PNPLA6: variants seen among roughly 807,000 people sequenced by gnomAD.
PNPLA6 encodes the protein patatin-like phospholipase domain-containing protein 6.
In PNPLA6, 105 loss-of-function variants were observed where a neutral mutation model predicts 153.7. The observed-to-expected ratio is 0.68, with a 90% CI of 0.58 to 0.80. PNPLA6 has a LOEUF of 0.80. Among genes scored for constraint, PNPLA6 ranks in the 30% least tolerant of loss-of-function variants. The pLI is 0.00. For synonymous variants in PNPLA6, 825 were observed against 822.2 expected (o/e 1.00, Z -0.06); for missense variants, 1,423 against 1,919.3 (o/e 0.74, Z 4.83).
chr19:7,537,622 G>A (rs1432153003), intron 3 of PNPLA6, among the ~76,000 whole-genome samples: 1 of 151,970 alleles, frequency 6.6e-6, no homozygotes, highest in Admixed American at 6.6e-5. Context: ...TCCTGCAATG[G>A]CAGTCCTTTC....
chr19:7,549,890 A>C lies in PNPLA6; in HGVS notation c.1609-17A>C. ...GCTGTCCGGGTTCTGTGTTCATCAC[A>C]TCCCCTGCCCGCACAGGACGTGAGC... On this transcript the variant is annotated splice_polypyrimidine_tract_variant and intron_variant, in intron 13 of 31. Transcript: ENST00000600737. 6.2e-7 allele frequency: 1 copy of C among 1,612,228 alleles called. No individual in the cohort carries two copies. Among genetic ancestry groups the C allele is most frequent in the Non-Finnish European group, 8.5e-7 (1 of 1,179,230 alleles).
chr19:7,536,305 C>A (rs1395610390), intron 2 of PNPLA6, 32 bp downstream of exon 2: 1 of 1,544,672 alleles, frequency 6.5e-7, no homozygotes, highest in Admixed American at 1.7e-5. Context: ...TCCGCCCTGA[C>A]CACACAGAGG....
rs377449787 is a variant in PNPLA6 at position 7,556,454 on chromosome 19, G to T, written c.3095G>T (p.Ser1032Ile). ...CCCTGTCTGGCCCCTTGTCCCTAGA[G>T]CATGACTTCGGTGCTGGAACCTGTG... is the stretch of plus-strand genomic sequence containing the variant. ...TKQRAREWAK[S>I]MTSVLEPVLD... Residue 1032 changes from serine (S) to isoleucine (I), a missense_variant and splice_region_variant, in exon 25 of 32, where the codon AGC becomes ATC. Physicochemically the swap from Ser to Ile is moderately radical, Grantham distance 142 (BLOSUM62 -2). Coordinates refer to ENST00000600737, the MANE Select transcript of PNPLA6 (RefSeq NM_001166114.2). 5 of 1,602,032 alleles carry T rather than the reference G, an allele frequency of 3.1e-6. No homozygotes were observed. The highest frequency in any genetic ancestry group is 4.3e-6 in the Non-Finnish European group (5 of 1,169,198).
chr19:7,549,904 C>G lies in PNPLA6; in HGVS notation c.1609-3C>G, dbSNP rs1335928161. On this transcript the variant is annotated splice_polypyrimidine_tract_variant and splice_region_variant and intron_variant, in intron 13 of 31. Coordinates refer to ENST00000600737, the MANE Select transcript of PNPLA6 (RefSeq NM_001166114.2). ...GTGTTCATCACATCCCCTGCCCGCACAGGACGTGAGCCTGCACTTCGTGCT... is the reference window on the plus strand; with the variant it reads ...GTGTTCATCACATCCCCTGCCCGCAGAGGACGTGAGCCTGCACTTCGTGCT... 1 of 1,613,360 alleles carries G rather than the reference C, an allele frequency of 6.2e-7. No homozygotes were observed. Among genetic ancestry groups the G allele is most frequent in the South Asian group, 1.1e-5 (1 of 91,086 alleles).
chr19:7,553,546 G>A (rs1421887323), intron 18 of PNPLA6, among the ~76,000 whole-genome samples: 1 of 152,242 alleles, frequency 6.6e-6, no homozygotes, highest in Non-Finnish European at 1.5e-5. Context: ...TGAGGCAGGG[G>A]CACTGGCCAA....
At chr19:7,553,792 G>A (rs1045639218) in intron 18 of PNPLA6, 83 bp from the exon 19 acceptor site, 4 of 1,551,002 alleles carry the variant, frequency 2.6e-6, no homozygotes, top group East Asian at 4.5e-5. Context: ...AGATAAGGAG[G>A]AAGAGGAAGA....
rs1418029834 is a variant in PNPLA6, at chr19:7,541,206, C to G, written c.925-148C>G. 4.6e-6 allele frequency: 5 copies of G among 1,089,338 alleles called. No individual in the cohort carries two copies. Among genetic ancestry groups the G allele is most frequent in the Non-Finnish European group, 6.8e-6 (5 of 733,838 alleles). The allele number at this position is 1,089,338 out of a possible 1,614,324, so 67.5% of individuals were successfully genotyped here. ...CAGATGTCTGCAGCCGCGGACTCCTCCCTTAGCTGCCTCGCCCCATTTCCC... is the reference window on the plus strand; with the variant it reads ...CAGATGTCTGCAGCCGCGGACTCCTGCCTTAGCTGCCTCGCCCCATTTCCC... On this transcript the variant is annotated intron_variant, in intron 7 of 31. Transcript: ENST00000600737. The surrounding 1 kb of genome is among the most constrained non-coding windows in gnomAD (Gnocchi z 5.2).
In PNPLA6 at chr19:7,555,531, A is replaced by G. The variant is rs2023840037; in HGVS notation, c.2937-76A>G. 6.6e-7 allele frequency: 1 copy of G among 1,509,794 alleles called. No homozygotes were observed. The allele number at this position is 1,509,794 out of a possible 1,614,324, so 93.5% of individuals were successfully genotyped here. ...GTCCTTTGTTCCTTAGCAGTGCGGG[A>G]GGTGGGAGGAGGTAGGGGCAGGGGA... On this transcript the variant is annotated intron_variant, in intron 23 of 31. Transcript: ENST00000600737. The surrounding 1 kb of genome is among the most constrained non-coding windows in gnomAD (Gnocchi z 6.3).
chr19:7,545,353 G>A (rs2023343945), intron 13 of PNPLA6, among the ~76,000 whole-genome samples: 1 of 152,096 alleles, frequency 6.6e-6, no homozygotes, highest in African/African-American at 2.4e-5. Flanking sequence ...GTCTTAGAAG[G>A]TTCCAGCATG....
chr19:7,558,286 G>A lies in PNPLA6; in HGVS notation c.3398-564G>A, dbSNP rs566798638. Among the ~76,000 whole-genome samples the A allele has an allele frequency of 3.5e-4, 54 of 152,294 alleles. 1 individual carries two copies. Among genetic ancestry groups the A allele is most frequent in the Non-Finnish European group, 6.2e-4 (42 of 68,034 alleles). On this transcript the variant is annotated intron_variant, in intron 27 of 31. Coordinates refer to ENST00000600737, the MANE Select transcript of PNPLA6 (RefSeq NM_001166114.2). ...CTCACAATCTTGTAGGCCAGGGGTG[G>A]GCAAACTATGGCCCACAGGCTGAGT... is the stretch of plus-strand genomic sequence containing the variant.
Position 7,540,086 on chromosome 19 carries a change from G to A in PNPLA6, c.554+28G>A. ...CAGTGTTGGGGTGCAGGTGGGGGTG[G>A]AGGGCTGCAGACGTGGGGCCGCCCT... On this transcript the variant is annotated intron_variant, in intron 4 of 31. Transcript: ENST00000600737. The surrounding 1 kb of genome is among the most constrained non-coding windows in gnomAD (Gnocchi z 6.8). The A allele has an allele frequency of 6.2e-7, 1 of 1,614,016 alleles. No individual in the cohort carries two copies. The highest frequency in any genetic ancestry group is 1.7e-5 in the Admixed American group (1 of 60,018).
At position 7,543,061 on chromosome 19, in the gene PNPLA6, A is replaced by C; in HGVS notation, c.1585A>C (p.Ile529Leu). Reference sequence around the variant, plus strand: ...GCTGCACCACGCCAAAGCTGGCACCATCATTGCCCGCCAGGGAGACCAGGT... The same window carrying C: ...GCTGCACCACGCCAAAGCTGGCACCCTCATTGCCCGCCAGGGAGACCAGGT... ...VLLHHAKAGT[I>L]IARQGDQDVS... is the part of the protein sequence containing the mutation. The change falls in exon 13 of 32, where the codon ATC (isoleucine) becomes CTC (leucine). Residue 529 changes from isoleucine to leucine, a missense_variant. Physicochemically the swap from Ile to Leu is conservative, Grantham distance 5 (BLOSUM62 2). Around this residue, in one of 10 missense-constraint regions of PNPLA6, gnomAD observed 119 missense variants for 163.7 expected, o/e 0.73. Transcript: ENST00000600737. 6.2e-7 allele frequency: 1 copy of C among 1,613,856 alleles called. No homozygotes were observed. The highest frequency in any genetic ancestry group is 8.5e-7 in the Non-Finnish European group (1 of 1,179,974).
chr19:7,543,980 AT>A (rs1174773370), intron 13 of PNPLA6, among the ~76,000 whole-genome samples: 3 of 132,228 alleles, frequency 2.3e-5, no homozygotes, highest in South Asian at 4.8e-4. Flanking sequence ...TGCCCGGCTA[AT>A]TTTTTGTATT....
At position 7,550,940 on chromosome 19, in the gene PNPLA6, T is replaced by G; in HGVS notation, c.2071-54T>G. ...AGTACAGCCCCCTTTCCACCCATCT[T>G]CGGCCTCCTCATTCCCCACCCAAGC... On this transcript the variant is annotated intron_variant, in intron 16 of 31. Transcript: ENST00000600737. 3 of 1,315,022 alleles carry G rather than the reference T, an allele frequency of 2.3e-6. No individual in the cohort carries two copies. In the South Asian group the frequency reaches 3.8e-5, roughly 17 times the overall value. 81.5% of individuals were successfully genotyped at this position (1,315,022 alleles called of 1,614,324 possible). A position where few individuals can be genotyped will look rare whatever the true frequency, so the allele number is the denominator to read the frequency against.
At position 7,547,868 on chromosome 19, in the gene PNPLA6, GC is replaced by G. The variant is rs372535438; in HGVS notation, c.1609-2036del. The stretch of plus-strand genomic sequence containing the variant: ...TGTAGAGACAGGGTTTCACTATGTT[GC>G]CCAGGCTGGTCTTGAACTCCTGGGC... On this transcript the variant is annotated intron_variant, in intron 13 of 31. Transcript: ENST00000600737. Among the ~76,000 whole-genome samples the G allele has an allele frequency of 1.1e-3, 113 of 106,808 alleles. 1 individual carries two copies. In the East Asian group the frequency reaches 0.026, roughly 25 times the overall value. The allele number at this position is 106,808 out of a possible 152,430, so 70.1% of individuals were successfully genotyped here.
intron 10 of PNPLA6, 101 bp from the exon 11 acceptor site, chr19:7,542,459 CA>C (rs1430774866): frequency 3.1e-5 from 28 of 897,644 alleles, no homozygotes; most frequent in Non-Finnish European, 7.3e-6. Context: ...CCCAGCCTCC[CA>C]AATAGCTGGA....
In PNPLA6 at chr19:7,559,865, C is replaced by A. The variant is rs115668137; in HGVS notation, c.3699+714C>A. The stretch of plus-strand genomic sequence containing the variant: ...TCTCTAAGAAAAAGAAAGGGCCAGG[C>A]ATGGTGGCTCATGCATTTAATCCCA... On this transcript the variant is annotated intron_variant, in intron 28 of 31. Coordinates refer to ENST00000600737, the MANE Select transcript of PNPLA6 (RefSeq NM_001166114.2). Among the ~76,000 whole-genome samples, 619 of 147,624 alleles carry A rather than the reference C, an allele frequency of 4.2e-3. 9 individuals carry two copies. The highest frequency in any genetic ancestry group is 0.015 in the African/African-American group (600 of 39,954).
rs1268813482 is a variant in PNPLA6 at position 7,555,792 on chromosome 19, C to T, written c.3093+29C>T. 6.2e-7 allele frequency: 1 copy of T among 1,609,644 alleles called. No homozygotes were observed. The highest frequency in any genetic ancestry group is 8.5e-7 in the Non-Finnish European group (1 of 1,178,976). ...TGTGTTGCGAGGAGGGATTGCTGCA[C>T]CCCAGGAGTGCCATAAAACCCGTGG... On this transcript the variant is annotated intron_variant, in intron 24 of 31. Transcript: ENST00000600737. This position sits in a 1 kb window ranked among gnomAD's most constrained non-coding sequence, Gnocchi z 6.3.
rs2023806339 is a variant in PNPLA6, at chr19:7,554,944, C to T, written c.2686C>T (p.Leu896=). The change falls in exon 22 of 32, where the codon CTG becomes TTG. Residue 896 remains leucine (L), a synonymous_variant. Transcript: ENST00000600737. ...TAVRALKQLV[L]LHREEGAGPT... is the part of the protein sequence containing the mutation. ...TGTGCGCGCCCTTAAGCAGCTAGTC[C>T]TGCTCCACCGAGAGGAGGGCGCGGG... is the stretch of plus-strand genomic sequence containing the variant. The T allele has an allele frequency of 1.3e-6, 2 of 1,581,740 alleles. No individual in the cohort carries two copies. Among genetic ancestry groups the T allele is most frequent in the East Asian group, 4.5e-5 (2 of 44,104 alleles).
Sources: gnomAD v4.1 joint callset for allele counts (sites outside exome capture counted in the v4.1 genomes callset) on GRCh38, gnomAD v4.1.1 for gene constraint, gnomAD v4.1.1 regional missense constraint, Gnocchi (gnomAD v3.1) non-coding constraint, MANE v1.5 for transcripts, NCBI Gene and HGNC (gene_info 2026-07-23, HGNC 2026-07-21) for gene names.